The following CRISP2 variants were observed in gnomAD, a reference collection of about 807,000 sequenced individuals.
CRISP2 encodes cysteine rich secretory protein 2, also known as cysteine-rich secretory protein 2.
CRISP2 carries 29 observed loss-of-function variants against 31.7 expected under a neutral mutation model. The ratio of observed to expected loss-of-function variants is 0.92; its 90% CI spans 0.68 to 1.25. CRISP2 has a LOEUF of 1.25. CRISP2 is among the 50% of genes most tolerant of loss of function. The pLI is 0.00. For synonymous variants in CRISP2, 111 were observed against 101.4 expected (o/e 1.09, Z -0.57); for missense variants, 318 against 286.5 (o/e 1.11, Z -0.79).
Position 49,695,868 on chromosome 6 carries a change from C to T in CRISP2, c.572G>A (p.Gly191Asp), listed in dbSNP as rs149655879. The change falls in exon 9 of 10, where the codon GGT (glycine) becomes GAT (aspartate). Residue 191 changes from glycine to aspartate, a missense_variant. Gly to Asp is a moderately conservative substitution (Grantham distance 94). Coordinates refer to ENST00000339139, the MANE Select transcript of CRISP2 (RefSeq NM_003296.4). ...TCCTTTGTCACAGTCATCAGGGCAACCGGCACAAGGTGTTCCTTGTTGGTA... is the reference window on the plus strand; with the variant it reads ...TCCTTTGTCACAGTCATCAGGGCAATCGGCACAAGGTGTTCCTTGTTGGTA... ...TPYQQGTPCA[G>D]CPDDCDKGLC... 2.5e-5 allele frequency: 41 copies of T among 1,613,064 alleles called. No homozygotes were observed. Among genetic ancestry groups the T allele is most frequent in the Non-Finnish European group, 3.4e-5 (40 of 1,179,510 alleles).
chr6:49,680,350 C>T, the CRISP2 span, among the ~76,000 whole-genome samples: 3 of 152,152 alleles, frequency 2.0e-5, no homozygotes, highest in Non-Finnish European at 4.4e-5. Flanking sequence ...TTTATGGCTG[C>T]ATAATATTCT....
chr6:49,682,579 TTC>T, the CRISP2 span, among the ~76,000 whole-genome samples: 3 of 85,734 alleles, frequency 3.5e-5, no homozygotes, highest in Admixed American at 2.9e-4. Flanking sequence ...TTCTTTTTCT[TTC>T]TTTCTTTTTC....
At chr6:49,683,679 AAAAAAAAAAAAAAAAATATAT>A in the CRISP2 span, among the ~76,000 whole-genome samples, 49 of 47,664 alleles carry the variant, frequency 1.0e-3, no homozygotes, top group Non-Finnish European at 1.5e-3. Context: ...AAAAAAAAAA[AAAAAAAAAAAAAAAAATATAT>A]ATATATATAT....
rs772671444 is a variant in CRISP2, at chr6:49,692,733, C to T, written c.*40G>A. ...GGTATGTCGCAATTAAATGATGCAG[C>T]CCTTATCCATGCAGTCTTGCACAAT... On this transcript the variant is annotated 3_prime_UTR_variant, in exon 10 of 10. Transcript: ENST00000339139. 5.7e-6 allele frequency: 9 copies of T among 1,573,384 alleles called. No homozygotes were observed. Among genetic ancestry groups the T allele is most frequent in the African/African-American group, 1.3e-5 (1 of 74,110 alleles).
the CRISP2 span, among the ~76,000 whole-genome samples, chr6:49,686,719 T>C: frequency 6.6e-6 from 1 of 152,142 alleles, no homozygotes; most frequent in Non-Finnish European, 1.5e-5. Context: ...ACCCAAAGGA[T>C]TATAAATCAT....
At chr6:49,705,926 G>A (rs1766940237) in intron 4 of CRISP2, among the ~76,000 whole-genome samples, 1 of 152,050 alleles carries the variant, frequency 6.6e-6, no homozygotes. Flanking sequence ...TCTTTCAAAT[G>A]GTCTGTGAAT....
intron 8 of CRISP2, among the ~76,000 whole-genome samples, chr6:49,696,609 AG>A (rs1171391158): frequency 6.6e-5 from 10 of 151,708 alleles, no homozygotes; most frequent in African/African-American, 2.2e-4. Context: ...AAAGAAAAAA[AG>A]ATTAAAGAAA....
chr6:49,690,785 A>G (rs912797651), downstream of CRISP2, among the ~76,000 whole-genome samples: 1 of 152,080 alleles, frequency 6.6e-6, no homozygotes, highest in African/African-American at 2.4e-5. Context: ...ACAGTATCTA[A>G]GAATTTACTA....
At chr6:49,686,386 A>G in the CRISP2 span, among the ~76,000 whole-genome samples, 8 of 152,212 alleles carry the variant, frequency 5.3e-5, no homozygotes, top group Non-Finnish European at 1.0e-4. Flanking sequence ...CGAATTAATG[A>G]TCATTTCTAA....
chr6:49,699,904 A>G lies in CRISP2; in HGVS notation c.184-13T>C, dbSNP rs1464192076. The G allele has an allele frequency of 6.2e-7, 1 of 1,610,118 alleles. No individual in the cohort carries two copies. The highest frequency in any genetic ancestry group is 1.3e-5 in the African/African-American group (1 of 74,802). On this transcript the variant is annotated splice_polypyrimidine_tract_variant and intron_variant, in intron 5 of 9. Coordinates refer to ENST00000339139, the MANE Select transcript of CRISP2 (RefSeq NM_003296.4). ...CTCTGCTCCATTCCTAAACGTCACA[A>G]GAAAACAAAATACACTTAATGATTC... is the stretch of plus-strand genomic sequence containing the variant.
chr6:49,690,398 T>G (rs1374187836), downstream of CRISP2, among the ~76,000 whole-genome samples: 1 of 152,064 alleles, frequency 6.6e-6, no homozygotes, highest in Non-Finnish European at 1.5e-5. Flanking sequence ...TGACTGAAAT[T>G]AAAATTAAAT....
chr6:49,682,887 A>T, the CRISP2 span, among the ~76,000 whole-genome samples: 3 of 150,306 alleles, frequency 2.0e-5, no homozygotes, highest in Non-Finnish European at 4.4e-5. Flanking sequence ...TACCAGGCAC[A>T]GTGGCTCACA....
chr6:49,707,269 A>G (rs1767217705), intron 4 of CRISP2, among the ~76,000 whole-genome samples: 1 of 152,194 alleles, frequency 6.6e-6, no homozygotes, highest in Non-Finnish European at 1.5e-5. Flanking sequence ...CATGATAACA[A>G]AACTGATCTT....
chr6:49,677,463 G>A, the CRISP2 span, among the ~76,000 whole-genome samples: 10 of 152,068 alleles, frequency 6.6e-5, no homozygotes, highest in African/African-American at 2.4e-4. Flanking sequence ...GATGTTTCTT[G>A]TTTACCAAAG....
At chr6:49,706,068 C>T (rs1278491029) in intron 4 of CRISP2, among the ~76,000 whole-genome samples, 1 of 152,166 alleles carries the variant, frequency 6.6e-6, no homozygotes, top group Non-Finnish European at 1.5e-5. Flanking sequence ...GCCATTTCCC[C>T]CAGCAAGGGA....
intron 9 of CRISP2, among the ~76,000 whole-genome samples, chr6:49,695,186 T>C (rs1026133450): frequency 1.3e-5 from 2 of 152,194 alleles, no homozygotes; most frequent in African/African-American, 2.4e-5. Context: ...TCATGGCAAT[T>C]TATTAAATGA....
chr6:49,709,074 C>T (rs1767555526), intron 4 of CRISP2, 57 bp downstream of exon 4: 2 of 1,469,200 alleles, frequency 1.4e-6, no homozygotes, highest in Non-Finnish European at 1.9e-6. Flanking sequence ...TCAGAATAGC[C>T]TGCCATACCA....
chr6:49,683,763 C>A, the CRISP2 span, among the ~76,000 whole-genome samples: 1 of 124,496 alleles, frequency 8.0e-6, no homozygotes, highest in African/African-American at 3.0e-5. Context: ...TTTATAAAGA[C>A]ATATTCTAAG....
intron 6 of CRISP2, 97 bp downstream of exon 6, chr6:49,699,707 T>TG: frequency 1.2e-6 from 1 of 849,090 alleles, no homozygotes; most frequent in Non-Finnish European, 1.9e-6. Flanking sequence ...ATAAGTAACA[T>TG]TTATTTTCAA....
Sources: allele counts gnomAD v4.1 joint callset (sites outside exome capture counted in the v4.1 genomes callset), GRCh38; gene constraint gnomAD v4.1.1; transcripts MANE v1.5; gene names NCBI Gene and HGNC (gene_info 2026-07-23, HGNC 2026-07-21).